DACH2: variants seen among roughly 807,000 people sequenced by gnomAD.
DACH2 encodes the protein dachshund homolog 2.
Under a neutral mutation model 35.8 loss-of-function variants are expected in DACH2, and 17 were observed. That is an observed-to-expected ratio of 0.48 (90% CI 0.33 to 0.71). DACH2 has a LOEUF of 0.71. Among genes scored for constraint, DACH2 ranks in the 30% least tolerant of loss-of-function variants. The pLI is 0.02. For missense variants in DACH2, 469 were observed against 472.7 expected, an observed-to-expected ratio of 0.99 and a Z score of 0.07; for synonymous variants, 195 against 177.3, an observed-to-expected ratio of 1.10 and a Z score of -0.79.
intron 2 of DACH2, among the ~76,000 whole-genome samples, chrX:86,423,847 G>T (rs1191752031): frequency 1.8e-5 from 2 of 110,635 alleles, no homozygotes; most frequent in South Asian, 7.6e-4. Flanking sequence ...TCAAATCAAA[G>T]ATCAGAGATA....
chrX:86,337,523 A>T (rs1175211186), intron 1 of DACH2, among the ~76,000 whole-genome samples: 3 of 111,115 alleles, frequency 2.7e-5, no homozygotes, highest in African/African-American at 6.5e-5. Context: ...AGACAAGCAA[A>T]CACCTTACAA....
intron 2 of DACH2, among the ~76,000 whole-genome samples, chrX:86,383,718 C>A (rs1272348080): frequency 1.9e-5 from 2 of 107,160 alleles, no homozygotes; most frequent in Admixed American, 2.1e-4. Flanking sequence ...TCCACTCTGA[C>A]CTTGTAATAT....
intron 1 of DACH2, among the ~76,000 whole-genome samples, chrX:86,331,065 C>T (rs1225756634): frequency 9.0e-6 from 1 of 111,566 alleles, no homozygotes; most frequent in African/African-American, 3.3e-5. Context: ...AATTATGATT[C>T]AAACCAGTTG....
chrX:86,157,022 T>C (rs2030569511), intron 1 of DACH2, among the ~76,000 whole-genome samples: 1 of 110,981 alleles, frequency 9.0e-6, no homozygotes, highest in Admixed American at 9.6e-5. Flanking sequence ...TTTCCTTTAA[T>C]CTAGGAACCC....
intron 7 of DACH2, among the ~76,000 whole-genome samples, chrX:86,745,670 G>A (rs914714822): frequency 7.2e-5 from 8 of 110,942 alleles, no homozygotes; most frequent in East Asian, 2.8e-4. Flanking sequence ...TTGATTTAAC[G>A]TCTCTGCTCT....
At chrX:86,661,636 G>T (rs2040606312) in intron 4 of DACH2, among the ~76,000 whole-genome samples, 1 of 112,189 alleles carries the variant, frequency 8.9e-6, no homozygotes, top group African/African-American at 3.2e-5. Context: ...AAATGATGTT[G>T]CTATAAACAT....
At chrX:86,382,959 T>C (rs985819720) in intron 2 of DACH2, among the ~76,000 whole-genome samples, 1 of 110,905 alleles carries the variant, frequency 9.0e-6, no homozygotes, top group African/African-American at 3.3e-5. Context: ...TTTTGCTAAT[T>C]GCCATCCTGT....
intron 1 of DACH2, among the ~76,000 whole-genome samples, chrX:86,292,713 T>A (rs1403669622): frequency 2.7e-5 from 3 of 111,423 alleles, no homozygotes; most frequent in East Asian, 2.8e-4. Flanking sequence ...CAGGTTGTTC[T>A]GTTTCCATGT....
intron 3 of DACH2, among the ~76,000 whole-genome samples, chrX:86,622,216 G>A (rs2040076884): frequency 9.0e-6 from 1 of 111,639 alleles, no homozygotes; most frequent in Admixed American, 9.5e-5. Flanking sequence ...TATTATAAAA[G>A]CTAAACAATG....
intron 7 of DACH2, among the ~76,000 whole-genome samples, chrX:86,766,845 T>G (rs1331729337): frequency 9.0e-6 from 1 of 111,284 alleles, no homozygotes; most frequent in East Asian, 2.8e-4. Context: ...AGTCCAGGAT[T>G]TTTTTTTCTT....
chrX:86,301,158 G>A (rs748685702), intron 1 of DACH2, among the ~76,000 whole-genome samples: 11 of 111,672 alleles, frequency 9.9e-5, no homozygotes, highest in Non-Finnish European at 2.1e-4. Context: ...CATTATTTGG[G>A]GCTTTCTCTT....
intron 1 of DACH2, among the ~76,000 whole-genome samples, chrX:86,308,546 CAG>C (rs770511941): frequency 8.9e-6 from 1 of 112,255 alleles, no homozygotes; most frequent in Non-Finnish European, 1.9e-5. Flanking sequence ...ATTATAAAAA[CAG>C]AGAATCATGG....
intron 2 of DACH2, among the ~76,000 whole-genome samples, chrX:86,452,739 T>C (rs1008337416): frequency 6.3e-5 from 7 of 111,298 alleles, no homozygotes; most frequent in Non-Finnish European, 1.3e-4. Flanking sequence ...TAGTGGTATA[T>C]CTATTTTATT....
At chrX:86,727,649 C>A (rs1032751603) in intron 6 of DACH2, among the ~76,000 whole-genome samples, 19 of 110,341 alleles carry the variant, frequency 1.7e-4, no homozygotes, top group African/African-American at 6.3e-4. Flanking sequence ...GACACAAGAT[C>A]TAGTTGTTTA....
In DACH2 at chrX:86,760,908, T is replaced by C. The variant is rs192083152; in HGVS notation, c.1240+21026T>C. ...AGGACTTTTTCCTAAAGATGTTTTT[T>C]GGTAATGGTTTGGTAGCGTACTTTG... On this transcript the variant is annotated intron_variant, in intron 7 of 11. Coordinates refer to ENST00000373125, the MANE Select transcript of DACH2 (RefSeq NM_053281.3). Among the ~76,000 whole-genome samples, 190 of 111,709 alleles carry C rather than the reference T, an allele frequency of 1.7e-3. 1 individual carries two copies. Among genetic ancestry groups the C allele is most frequent in the African/African-American group, 6.0e-3 (186 of 30,762 alleles).
At chrX:86,820,671 A>C (rs2097942750) in intron 11 of DACH2, among the ~76,000 whole-genome samples, 1 of 111,241 alleles carries the variant, frequency 9.0e-6, no homozygotes, top group Non-Finnish European at 1.9e-5. Context: ...TAAAATTTAC[A>C]ATTTAGGGCA....
chrX:86,775,785 A>C (rs945841612), intron 7 of DACH2, among the ~76,000 whole-genome samples: 28 of 112,185 alleles, frequency 2.5e-4, no homozygotes, highest in African/African-American at 8.4e-4. Flanking sequence ...TCACATCAAA[A>C]ATGTTTTTTA....
intron 7 of DACH2, among the ~76,000 whole-genome samples, chrX:86,792,671 C>T (rs1429341829): frequency 1.8e-5 from 2 of 111,585 alleles, no homozygotes; most frequent in African/African-American, 6.5e-5. Context: ...TAAGGACCTC[C>T]TATTCCATCT....
rs7884706 is a variant in DACH2 at position 86,769,353 on chromosome X, T to C, written c.1240+29471T>C. Reference sequence around the variant, plus strand: ...GAAAGAATATAGAATATGGTTAAAATTCCCATACTACCTAAAGCAATCTAC... The same window carrying C: ...GAAAGAATATAGAATATGGTTAAAACTCCCATACTACCTAAAGCAATCTAC... On this transcript the variant is annotated intron_variant, in intron 7 of 11. Coordinates refer to ENST00000373125, the MANE Select transcript of DACH2 (RefSeq NM_053281.3). Among the ~76,000 whole-genome samples, 447 of 110,592 alleles carry C rather than the reference T, an allele frequency of 4.0e-3. 2 individuals carry two copies. The highest frequency in any genetic ancestry group is 0.014 in the African/African-American group (426 of 30,384).
Sources: allele counts gnomAD v4.1 joint callset (sites outside exome capture counted in the v4.1 genomes callset), GRCh38; gene constraint gnomAD v4.1.1; transcripts MANE v1.5; gene names NCBI Gene and HGNC (gene_info 2026-07-23, HGNC 2026-07-21).